SPECC1: variants seen among roughly 807,000 people sequenced by gnomAD.
SPECC1 encodes cytospin-B.
SPECC1 carries 62 observed loss-of-function variants against 104.1 expected under a neutral mutation model. The observed-to-expected ratio is 0.60, with a 90% CI of 0.49 to 0.74. The LOEUF is 0.74. Among genes scored for constraint, SPECC1 ranks in the 30% least tolerant of loss-of-function variants. The pLI, the probability that SPECC1 is intolerant of heterozygous loss-of-function variation, is 0.00. For missense variants in SPECC1, 1,306 were observed against 1,310.5 expected, an observed-to-expected ratio of 1.00 and a Z score of 0.05; for synonymous variants, 513 against 501.6, an observed-to-expected ratio of 1.02 and a Z score of -0.30.
intron 4 of SPECC1, among the ~76,000 whole-genome samples, chr17:20,207,088 T>G (rs1329301611): frequency 6.6e-6 from 1 of 152,188 alleles, no homozygotes; most frequent in Non-Finnish European, 1.5e-5. Flanking sequence ...TCTTGTTCCC[T>G]CCAAGTTCTG....
chr17:20,211,197 A>C (rs1331170827), intron 4 of SPECC1, among the ~76,000 whole-genome samples: 1 of 152,182 alleles, frequency 6.6e-6, no homozygotes, highest in Admixed American at 6.5e-5. Context: ...CTGCTGCTGG[A>C]GAGGTGGGAA....
At position 20,317,860 on chromosome 17, in the gene SPECC1, C is replaced by A. The variant is rs1366327806; in HGVS notation, c.*3795C>A. 1 of 226,174 alleles carries A rather than the reference C, an allele frequency of 4.4e-6. No homozygotes were observed. Among genetic ancestry groups the A allele is most frequent in the Non-Finnish European group, 8.8e-6 (1 of 113,772 alleles). The allele number at this position is 226,174 out of a possible 1,614,324, so 14.0% of individuals were successfully genotyped here. A position where few individuals can be genotyped will look rare whatever the true frequency, so the allele number is the denominator to read the frequency against. ...AGCACAGCAGCTAGTAGGGCTCCCC[C>A]AAGCCATCCGCTGGCGTGTGGAGGT... On this transcript the variant is annotated 3_prime_UTR_variant, in exon 15 of 15. Transcript: ENST00000395527.
intron 11 of SPECC1, among the ~76,000 whole-genome samples, chr17:20,257,906 C>G (rs183344608): frequency 6.6e-6 from 1 of 152,138 alleles, no homozygotes; most frequent in Non-Finnish European, 1.5e-5. Context: ...CTAAAGGTAC[C>G]ATTACAAGCA....
chr17:20,255,264 C>T (rs530457357), intron 10 of SPECC1, among the ~76,000 whole-genome samples: 2 of 152,228 alleles, frequency 1.3e-5, no homozygotes, highest in African/African-American at 4.8e-5. Flanking sequence ...TGAGAGAGTA[C>T]GTGCTCCAGG....
At chr17:20,239,878 GTTTTTTTTTTT>G (rs60216339) in intron 7 of SPECC1, among the ~76,000 whole-genome samples, 11 of 36,946 alleles carry the variant, frequency 3.0e-4, no homozygotes, top group South Asian at 2.0e-3. Context: ...ATTTCGCTGA[GTTTTTTTTTTT>G]TTTTTTTTTT....
Position 20,096,642 on chromosome 17 carries a change from G to T in SPECC1, c.-10G>T, listed in dbSNP as rs142132414. 5.2e-4 allele frequency: 833 copies of T among 1,606,976 alleles called. 8 individuals are homozygous for T. In the East Asian group the frequency reaches 0.017, roughly 33 times the overall value. On this transcript the variant is annotated 5_prime_UTR_variant, in exon 2 of 15. Coordinates refer to ENST00000395527, the MANE Select transcript of SPECC1 (RefSeq NM_001243439.2). ...CTGCTCTTTTGCAGGACAGACCCAC[G>T]AAGTCAAGCATGCGGAGTGCAGCCA...
At chr17:20,046,116 T>C (rs2045530418) in intron 1 of SPECC1, among the ~76,000 whole-genome samples, 1 of 152,064 alleles carries the variant, frequency 6.6e-6, no homozygotes, top group Non-Finnish European at 1.5e-5. Context: ...AAAATTTAAG[T>C]TTTAATTTTT....
intron 3 of SPECC1, among the ~76,000 whole-genome samples, chr17:20,161,520 TATTATTTA>T (rs1567890012): frequency 1.4e-4 from 21 of 152,342 alleles, no homozygotes; most frequent in African/African-American, 4.6e-4. Context: ...GGATCTCATG[TATTATTTA>T]ATGGAGAACC....
At chr17:20,133,793 T>C (rs2049780505) in intron 3 of SPECC1, among the ~76,000 whole-genome samples, 1 of 152,214 alleles carries the variant, frequency 6.6e-6, no homozygotes, top group African/African-American at 2.4e-5. Flanking sequence ...ACTGAATCTT[T>C]TGTGTGATCT....
intron 1 of SPECC1, among the ~76,000 whole-genome samples, chr17:20,081,139 CTG>C (rs1229510975): frequency 5.3e-5 from 8 of 152,174 alleles, no homozygotes; most frequent in African/African-American, 1.9e-4. Context: ...TCTTCTGTCA[CTG>C]TGTGACTTTT....
In SPECC1 at chr17:20,205,750, G is replaced by C. The variant is rs769637377; in HGVS notation, c.1701G>C (p.Glu567Asp). Residue 567 changes from glutamate to aspartate, a missense_variant, in exon 4 of 15, where the codon GAG (glutamate) becomes GAC (aspartate). Around this residue, in one of 2 missense-constraint regions of SPECC1, gnomAD observed 1,177 missense variants for 1,139.9 expected, o/e 1.03. Transcript: ENST00000395527. Reference protein sequence around the residue: ...HLQGEKQKATEASAVEQTAES... With the variant: ...HLQGEKQKATDASAVEQTAES... ...AGGGTGAGAAGCAGAAAGCCACAGAGGCCAGTGCTGTGGAGCAGACGGCAG... is the reference window on the plus strand; with the variant it reads ...AGGGTGAGAAGCAGAAAGCCACAGACGCCAGTGCTGTGGAGCAGACGGCAG... 2.5e-6 allele frequency: 4 copies of C among 1,614,186 alleles called. No homozygotes were observed. The South Asian group carries it at 4.4e-5, about 18-fold the overall frequency.
chr17:20,185,350 G>A lies in SPECC1; in HGVS notation c.284-18983G>A, dbSNP rs183872510. Among the ~76,000 whole-genome samples the A allele has an allele frequency of 5.3e-5, 8 of 152,312 alleles. No homozygotes were observed. The East Asian group carries it at 1.2e-3, about 22-fold the overall frequency. On this transcript the variant is annotated intron_variant, in intron 3 of 14. Coordinates refer to ENST00000395527, the MANE Select transcript of SPECC1 (RefSeq NM_001243439.2). ...TGCTGAGGCTAAATTATAAAAGGCT[G>A]TGCAGGCCCCTCTTGTTTGCGGGGG... is the stretch of plus-strand genomic sequence containing the variant.
intron 1 of SPECC1, among the ~76,000 whole-genome samples, chr17:20,083,938 T>C (rs1312650452): frequency 6.6e-6 from 1 of 152,230 alleles, no homozygotes; most frequent in Non-Finnish European, 1.5e-5. Context: ...AGTAGGTGTG[T>C]AGTGATAGCT....
At chr17:20,304,827 A>C (rs1021248340) in intron 13 of SPECC1, among the ~76,000 whole-genome samples, 1 of 152,070 alleles carries the variant, frequency 6.6e-6, no homozygotes, top group African/African-American at 2.4e-5. Flanking sequence ...GGGTCCAACT[A>C]TGAGGCAGGC....
chr17:20,163,860 G>A (rs1319550909), intron 3 of SPECC1, among the ~76,000 whole-genome samples: 1 of 152,050 alleles, frequency 6.6e-6, no homozygotes, highest in African/African-American at 2.4e-5. Flanking sequence ...ACAGTGCCCA[G>A]CCTGTATTCT....
rs1048070975 is a variant in SPECC1 at position 20,173,848 on chromosome 17, G to A, written c.284-30485G>A. ...GAGTTCTCCACTTGCTGCAGTTTCT[G>A]CCAGCCCCTTTGTTCTTTACTTGGC... On this transcript the variant is annotated intron_variant, in intron 3 of 14. Coordinates refer to ENST00000395527, the MANE Select transcript of SPECC1 (RefSeq NM_001243439.2). Among the ~76,000 whole-genome samples, 3 of 151,972 alleles carry A rather than the reference G, an allele frequency of 2.0e-5. No individual in the cohort carries two copies. In the South Asian group the frequency reaches 6.2e-4, roughly 31 times the overall value.
At chr17:20,022,130 A>G (rs2044415118) in intron 1 of SPECC1, among the ~76,000 whole-genome samples, 1 of 150,414 alleles carries the variant, frequency 6.6e-6, no homozygotes, top group African/African-American at 2.5e-5. Flanking sequence ...TTCAGTAGAG[A>G]CGGGGTTTCA....
rs1218822816 is a variant in SPECC1, at chr17:20,270,861, C to G, written c.2940+10567C>G. On this transcript the variant is annotated intron_variant, in intron 12 of 14. Transcript: ENST00000395527. Reference sequence around the variant, plus strand: ...TGTACAAGATTATACATTCCCAATACTGGATACACCTACTCTTTTGATCTT... The same window carrying G: ...TGTACAAGATTATACATTCCCAATAGTGGATACACCTACTCTTTTGATCTT... Among the ~76,000 whole-genome samples the G allele has an allele frequency of 2.0e-5, 3 of 152,166 alleles. No homozygotes were observed. In the South Asian group the frequency reaches 6.2e-4, roughly 31 times the overall value.
intron 14 of SPECC1, among the ~76,000 whole-genome samples, chr17:20,309,883 T>C (rs975254558): frequency 1.3e-5 from 2 of 149,548 alleles, no homozygotes; most frequent in Non-Finnish European, 3.0e-5. Context: ...AATGGTGCAA[T>C]CTTGGCTCAC....
Sources: gnomAD v4.1 joint callset for allele counts (sites outside exome capture counted in the v4.1 genomes callset) on GRCh38, gnomAD v4.1.1 for gene constraint, gnomAD v4.1.1 regional missense constraint, MANE v1.5 for transcripts, NCBI Gene and HGNC (gene_info 2026-07-23, HGNC 2026-07-21) for gene names.